EIF3I: variants seen among roughly 807,000 people sequenced by gnomAD.
EIF3I encodes the protein eukaryotic translation initiation factor 3 subunit I.
A neutral mutation model predicts 43.3 loss-of-function variants in EIF3I; 20 were observed. The ratio of observed to expected loss-of-function variants is 0.46; its 90% CI spans 0.32 to 0.67. The LOEUF (loss-of-function observed/expected upper bound fraction) is 0.67, where lower values mean the gene tolerates loss of function less well. Among genes scored for constraint, EIF3I ranks in the 30% least tolerant of loss-of-function variants. EIF3I has a pLI of 0.03. For synonymous variants in EIF3I, 167 were observed against 151.7 expected (o/e 1.10, Z -0.74); for missense variants, 279 against 421.4 (o/e 0.66, Z 2.96).
intron 2 of EIF3I, 50 bp from the exon 3 acceptor site, chr1:32,223,984 G>A: frequency 6.4e-7 from 1 of 1,565,904 alleles, no homozygotes; most frequent in Non-Finnish European, 8.8e-7. Context: ...AAAATAGGAA[G>A]CCATTGCTCT....
exon 6 of EIF3I, chr1:32,226,473 G>C (rs1250766852): frequency 3.1e-6 from 5 of 1,596,544 alleles, no homozygotes; most frequent in Non-Finnish European, 4.3e-6. Context: ...GGGGACCCCT[G>C]GGGGAGTGCA....
chr1:32,224,211 G>A, intron 3 of EIF3I, 90 bp downstream of exon 3: 6 of 1,327,156 alleles, frequency 4.5e-6, no homozygotes, highest in Non-Finnish European at 6.5e-6. Context: ...GGGTGCTGTT[G>A]AGGGCCTAGA....
intron 6 of EIF3I, among the ~76,000 whole-genome samples, chr1:32,227,275 TAAAAAAAAAAAAA>T (rs1005926284): frequency 3.6e-5 from 2 of 55,426 alleles, no homozygotes; most frequent in Admixed American, 2.1e-4. Context: ...ACCCTGTCTC[TAAAAAAAAAAAAA>T]AAAAAAAAAA....
intron 4 of EIF3I, among the ~76,000 whole-genome samples, chr1:32,225,025 G>T (rs766770835): frequency 1.3e-5 from 2 of 152,158 alleles, no homozygotes; most frequent in African/African-American, 2.4e-5. Context: ...GTAGAGACAG[G>T]GTTTCACCAT....
At chr1:32,228,992 G>A in intron 8 of EIF3I, 143 bp from the exon 9 acceptor site, 1 of 1,060,810 alleles carries the variant, frequency 9.4e-7, no homozygotes, top group African/African-American at 1.6e-5. Flanking sequence ...CCAGCAGGAG[G>A]TGGCAGAAGT....
chr1:32,231,762 C>T (rs1639240809), downstream of EIF3I: 1 of 154,116 alleles, frequency 6.5e-6, no homozygotes, highest in South Asian at 2.0e-4. Context: ...CAGGCACCCT[C>T]ATCCAAGGTG....
chr1:32,228,777 T>C (rs1442005658), exon 8 of EIF3I: 7 of 1,614,116 alleles, frequency 4.3e-6, no homozygotes, highest in Non-Finnish European at 5.9e-6. Flanking sequence ...GGACAGAACG[T>C]CCTGTCAACT....
intron 8 of EIF3I, 109 bp from the exon 9 acceptor site, chr1:32,229,026 T>C (rs1375532887): frequency 8.0e-7 from 1 of 1,247,136 alleles, no homozygotes; most frequent in Non-Finnish European, 1.1e-6. Flanking sequence ...CTACCTTTGG[T>C]ATCCTCCCAT....
At chr1:32,224,745 A>T (rs1639116416) in intron 4 of EIF3I, among the ~76,000 whole-genome samples, 1 of 148,912 alleles carries the variant, frequency 6.7e-6, no homozygotes, top group South Asian at 2.1e-4. Flanking sequence ...ATCTCGGCTC[A>T]CTGCAACCTC....
At chr1:32,223,525 T>TCCGC (rs1197862153) in intron 2 of EIF3I, among the ~76,000 whole-genome samples, 1 of 152,148 alleles carries the variant, frequency 6.6e-6, no homozygotes, top group Non-Finnish European at 1.5e-5. Context: ...CCTCAGGTGA[T>TCCGC]CCGCCTGCCT....
intron 2 of EIF3I, among the ~76,000 whole-genome samples, chr1:32,223,702 G>C (rs974181656): frequency 2.0e-5 from 3 of 152,182 alleles, no homozygotes; most frequent in African/African-American, 7.2e-5. Context: ...ACTACCAGCT[G>C]CTCCCACTTG....
chr1:32,224,794 C>T (rs1639117373), intron 4 of EIF3I, among the ~76,000 whole-genome samples: 1 of 151,600 alleles, frequency 6.6e-6, no homozygotes, highest in Admixed American at 6.6e-5. Flanking sequence ...TCTCAGCCAG[C>T]CCCAGTAGCT....
At chr1:32,228,162 G>C (rs1479931837) in intron 6 of EIF3I, among the ~76,000 whole-genome samples, 1 of 152,186 alleles carries the variant, frequency 6.6e-6, no homozygotes, top group African/African-American at 2.4e-5. Flanking sequence ...CAGAGGACGG[G>C]GAATAGATTT....
At chr1:32,229,547 CTTT>C (rs1199129615) in intron 9 of EIF3I, among the ~76,000 whole-genome samples, 8 of 104,492 alleles carry the variant, frequency 7.7e-5, no homozygotes, top group Admixed American at 3.2e-4. Flanking sequence ...CGTGCCCAGC[CTTT>C]TTTTTTTTTT....
At chr1:32,229,306 G>A in intron 9 of EIF3I, 98 bp downstream of exon 9, 1 of 1,327,426 alleles carries the variant, frequency 7.5e-7, no homozygotes, top group South Asian at 1.4e-5. Context: ...TGTCGCCTAG[G>A]CTGGAGCGCA....
intron 6 of EIF3I, 54 bp from the exon 7 acceptor site, chr1:32,228,445 G>T: frequency 1.3e-6 from 2 of 1,485,952 alleles, no homozygotes; most frequent in South Asian, 1.1e-5. Flanking sequence ...TTTCTGGGGA[G>T]CTGAGATTAG....
At chr1:32,226,567 A>T (rs964062379) in intron 6 of EIF3I, 37 bp downstream of exon 6, 16 of 1,295,070 alleles carry the variant, frequency 1.2e-5, no homozygotes, top group African/African-American at 3.2e-5. Flanking sequence ...TACCAGAATA[A>T]TTTTTTTTTT....
At chr1:32,222,499 C>G in intron 1 of EIF3I, 39 bp from the exon 2 acceptor site, 1 of 1,613,490 alleles carries the variant, frequency 6.2e-7, no homozygotes, top group Non-Finnish European at 8.5e-7. Flanking sequence ...AGGCTGGGGC[C>G]CAATTCCGAG....
At chr1:32,222,415 T>TGCGGCCTTCCTCGCGTC (rs1639023602) in exon 1 of EIF3I, 1 of 1,590,974 alleles carries the variant, frequency 6.3e-7, no homozygotes, top group African/African-American at 1.3e-5. Context: ...TTACTCACGT[T>TGCGGCCTTCCTCGCGTC]GCGGCCTTCC....
Sources: gnomAD v4.1 joint callset for allele counts (sites outside exome capture counted in the v4.1 genomes callset) on GRCh38, gnomAD v4.1.1 for gene constraint, MANE v1.5 for transcripts, NCBI Gene and HGNC (gene_info 2026-07-23, HGNC 2026-07-21) for gene names.